AIG1: variants seen among roughly 807,000 people sequenced by gnomAD.
The protein encoded by AIG1 is androgen-induced gene 1 protein.
A neutral mutation model predicts 31.4 loss-of-function variants in AIG1; 23 were observed. The ratio of observed to expected loss-of-function variants is 0.73; its 90% CI spans 0.53 to 1.04. AIG1 has a LOEUF of 1.04. Ranked by LOEUF, AIG1 falls within the 50% of genes least tolerant of loss-of-function variation. The pLI, the probability that AIG1 is intolerant of heterozygous loss-of-function variation, is 0.00. For synonymous variants in AIG1, 100 were observed against 110.5 expected, an observed-to-expected ratio of 0.90 and a Z score of 0.60; for missense variants, 274 against 295.0, an observed-to-expected ratio of 0.93 and a Z score of 0.52.
intron 1 of AIG1, among the ~76,000 whole-genome samples, chr6:143,074,229 CTT>C (rs1204512260): frequency 6.6e-6 from 1 of 152,128 alleles, no homozygotes; most frequent in Non-Finnish European, 1.5e-5. Flanking sequence ...GTGCAAAAGA[CTT>C]TTAGTTTGAT....
At position 143,287,737 on chromosome 6, in the gene AIG1, T is replaced by TAAAAAAA. The variant is rs59551903; in HGVS notation, c.515+3533_515+3539dup. ...CCCATAGAACAATGCCTGACTACAG[T>TAAAAAAA]AAAAAAAAAAAAAAAAAAAAAAAAA... On this transcript the variant is annotated intron_variant, in intron 4 of 5. Transcript: ENST00000357847. 4.0e-4 allele frequency among the ~76,000 whole-genome samples: 31 copies of TAAAAAAA among 78,044 alleles called. 2 individuals are homozygous for TAAAAAAA. Among genetic ancestry groups the TAAAAAAA allele is most frequent in the African/African-American group, 1.6e-3 (30 of 18,994 alleles). The allele number at this position is 78,044 out of a possible 152,430, so 51.2% of individuals were successfully genotyped here. A position where few individuals can be genotyped will look rare whatever the true frequency, so the allele number is the denominator to read the frequency against.
At chr6:143,187,443 A>G in intron 3 of AIG1, 3 of 1,535,588 alleles carry the variant, frequency 2.0e-6, no homozygotes, top group Non-Finnish European at 2.6e-6. Context: ...CAGTATGATC[A>G]GCTTGGTTGA....
At chr6:143,164,927 C>G (rs969735787) in intron 2 of AIG1, 155 bp from the exon 3 acceptor site, 1 of 585,532 alleles carries the variant, frequency 1.7e-6, no homozygotes, top group African/African-American at 1.9e-5. Flanking sequence ...TGGAATGAAG[C>G]TAGACCTGTG....
At position 143,333,304 on chromosome 6, in the gene AIG1, A is replaced by G. The variant is rs1214087735; in HGVS notation, c.538A>G (p.Thr180Ala). The change falls in exon 5 of 6, where the codon ACT becomes GCT. Residue 180 changes from threonine to alanine, a missense_variant. Coordinates refer to ENST00000357847, the MANE Select transcript of AIG1 (RefSeq NM_016108.4). This position sits in a 1 kb window ranked among gnomAD's most constrained non-coding sequence, Gnocchi z 4.6. ...ILWVCWVHHV[T>A]GMWVYPFLEH... Reference sequence around the variant, plus strand: ...CAGGGTGTGCTGGGTGCATCATGTAACTGGCATGTGGGTGTACCCTTTCCT... The same window carrying G: ...CAGGGTGTGCTGGGTGCATCATGTAGCTGGCATGTGGGTGTACCCTTTCCT... 25 of 1,612,370 alleles carry G rather than the reference A, an allele frequency of 1.6e-5. No homozygotes were observed. Among genetic ancestry groups the G allele is most frequent in the Non-Finnish European group, 2.0e-5 (24 of 1,179,390 alleles).
chr6:143,326,609 A>G lies in AIG1; in HGVS notation c.516-6673A>G. On this transcript the variant is annotated intron_variant, in intron 4 of 5. Transcript: ENST00000357847. The surrounding 1 kb of genome is among the most constrained non-coding windows in gnomAD (Gnocchi z 4.5). ...TAAGTATGAATAAAAGAGCTTTAAA[A>G]ATGAATGAGAGCCCTAGTTCTATAA... 6.6e-6 allele frequency among the ~76,000 whole-genome samples: 1 copy of G among 152,212 alleles called. No individual in the cohort carries two copies. The highest frequency in any genetic ancestry group is 1.9e-4 in the East Asian group (1 of 5,198).
At chr6:143,079,663 A>G (rs79558916) in intron 1 of AIG1, among the ~76,000 whole-genome samples, 6,560 of 152,192 alleles carry the variant, frequency 0.043, 211 homozygotes, top group African/African-American at 0.097. Context: ...ACATTCTCCC[A>G]TAACATAATT....
At chr6:143,074,779 G>C (rs1777589325) in intron 1 of AIG1, among the ~76,000 whole-genome samples, 1 of 152,128 alleles carries the variant, frequency 6.6e-6, no homozygotes, top group Non-Finnish European at 1.5e-5. Flanking sequence ...ATATTTTGTT[G>C]AGTTTTTTTG....
At chr6:143,165,028 G>C in intron 2 of AIG1, 54 bp from the exon 3 acceptor site, 1 of 1,328,450 alleles carries the variant, frequency 7.5e-7, no homozygotes, top group Non-Finnish European at 1.1e-6. Context: ...CCAATAAATT[G>C]TATGTTGTGG....
At chr6:143,134,619 A>G (rs367989465) in intron 1 of AIG1, among the ~76,000 whole-genome samples, 27 of 152,078 alleles carry the variant, frequency 1.8e-4, no homozygotes, top group African/African-American at 5.3e-4. Flanking sequence ...CTTTATAATT[A>G]TATCACGAAA....
chr6:143,267,914 G>A (rs57184543), intron 3 of AIG1, among the ~76,000 whole-genome samples: 8,283 of 152,204 alleles, frequency 0.054, 584 homozygotes, highest in African/African-American at 0.16. Context: ...AAGTAGGTAC[G>A]AGGAAGGATC....
At chr6:143,108,070 G>A (rs903195155) in intron 1 of AIG1, among the ~76,000 whole-genome samples, 4 of 152,030 alleles carry the variant, frequency 2.6e-5, no homozygotes, top group African/African-American at 9.7e-5. Context: ...ATGCCAGATT[G>A]CATCTCTCAA....
chr6:143,240,920 T>C (rs997989307), intron 3 of AIG1, among the ~76,000 whole-genome samples: 1 of 152,136 alleles, frequency 6.6e-6, no homozygotes, highest in Non-Finnish European at 1.5e-5. Context: ...AGGACTTCCA[T>C]GAAGAGTTAG....
At chr6:143,150,082 C>T (rs1256289561) in intron 2 of AIG1, among the ~76,000 whole-genome samples, 1 of 152,222 alleles carries the variant, frequency 6.6e-6, no homozygotes, top group Non-Finnish European at 1.5e-5. Flanking sequence ...CAAAACTCTG[C>T]TTCATCAAGA....
chr6:143,306,061 T>C (rs913269340), intron 4 of AIG1, among the ~76,000 whole-genome samples: 7 of 148,516 alleles, frequency 4.7e-5, no homozygotes, highest in Non-Finnish European at 8.9e-5. Context: ...TGCCTTTTTT[T>C]GTTTTCCATT....
intron 4 of AIG1, among the ~76,000 whole-genome samples, chr6:143,314,776 TA>T (rs1775599209): frequency 6.6e-6 from 1 of 152,068 alleles, no homozygotes; most frequent in African/African-American, 2.4e-5. Context: ...ATTTAGAAAA[TA>T]AAAAAGTACA....
intron 3 of AIG1, among the ~76,000 whole-genome samples, chr6:143,169,932 C>A (rs1787331823): frequency 1.3e-5 from 2 of 151,940 alleles, no homozygotes; most frequent in Admixed American, 1.3e-4. Context: ...GTTGAATCAT[C>A]CTTTCATCTC....
At chr6:143,119,767 A>G (rs1452919343) in intron 1 of AIG1, among the ~76,000 whole-genome samples, 2 of 152,208 alleles carry the variant, frequency 1.3e-5, no homozygotes, top group Non-Finnish European at 2.9e-5. Flanking sequence ...ACAATCACAC[A>G]TAACAAAGGA....
At chr6:143,169,321 A>G (rs1787270761) in intron 3 of AIG1, among the ~76,000 whole-genome samples, 1 of 152,140 alleles carries the variant, frequency 6.6e-6, no homozygotes, top group Non-Finnish European at 1.5e-5. Context: ...TAATTTTAAC[A>G]TACATGTAAT....
intron 2 of AIG1, among the ~76,000 whole-genome samples, chr6:143,162,759 A>G (rs1786516583): frequency 6.6e-6 from 1 of 152,162 alleles, no homozygotes; most frequent in African/African-American, 2.4e-5. Context: ...GTTAAGGCAA[A>G]CACACATTTA....
Sources: allele counts gnomAD v4.1 joint callset (sites outside exome capture counted in the v4.1 genomes callset), GRCh38; gene constraint gnomAD v4.1.1; non-coding constraint Gnocchi (gnomAD v3.1); transcripts MANE v1.5; gene names NCBI Gene and HGNC (gene_info 2026-07-23, HGNC 2026-07-21).